Variants in HOXC9 observed in about 807,000 individuals in gnomAD.
The protein encoded by HOXC9 is homeobox protein Hox-C9.
A neutral mutation model predicts 20.0 loss-of-function variants in HOXC9; 10 were observed. The ratio of observed to expected loss-of-function variants is 0.50; its 90% CI spans 0.31 to 0.85. The LOEUF (loss-of-function observed/expected upper bound fraction) is 0.85. HOXC9 is among the 40% of genes least tolerant of loss of function. The pLI is 0.05. For synonymous variants in HOXC9, 200 were observed against 163.7 expected (o/e 1.22, Z -1.69); for missense variants, 394 against 376.7 (o/e 1.05, Z -0.38).
intron 1 of HOXC9, among the ~76,000 whole-genome samples, chr12:54,001,787 G>A (rs922454865): frequency 2.0e-5 from 3 of 152,158 alleles, no homozygotes; most frequent in African/African-American, 7.2e-5. Context: ...TGGCAGGAGG[G>A]GGGCACTGGA....
In HOXC9 at chr12:54,000,583, C is replaced by G; in HGVS notation, c.395C>G (p.Pro132Arg). Residue 132 changes from proline to arginine, a missense_variant, in exon 1 of 2, where the codon CCA (proline) becomes CGA (arginine). Coordinates refer to ENST00000303450, the MANE Select transcript of HOXC9 (RefSeq NM_006897.3). The stretch of plus-strand genomic sequence containing the variant: ...CCCGGGCGCCGCGCGGACTGCGGCC[C>G]AGGGGAGGGCCGCAGCTACCCGGAC... ...AYPGRRADCG[P>R]GEGRSYPDYM... The G allele has an allele frequency of 3.9e-6, 6 of 1,531,608 alleles. No individual in the cohort carries two copies. The highest frequency in any genetic ancestry group is 5.2e-6 in the Non-Finnish European group (6 of 1,147,090). The allele number at this position is 1,531,608 out of a possible 1,614,324, so 94.9% of individuals were successfully genotyped here.
rs923829247 is a variant in HOXC9, at chr12:54,002,755, G to C, written c.*81G>C. 7 of 1,451,598 alleles carry C rather than the reference G, an allele frequency of 4.8e-6. No individual in the cohort carries two copies. The South Asian group carries it at 7.1e-5, about 15-fold the overall frequency. 89.9% of individuals were successfully genotyped at this position (1,451,598 alleles called of 1,614,324 possible). ...AATACCCCAACACAGGCGGGGGAGAGACGAAAAAGAAAAGGAAAGAGCAAG... is the reference window on the plus strand; with the variant it reads ...AATACCCCAACACAGGCGGGGGAGACACGAAAAAGAAAAGGAAAGAGCAAG... On this transcript the variant is annotated 3_prime_UTR_variant, in exon 2 of 2. Coordinates refer to ENST00000303450, the MANE Select transcript of HOXC9 (RefSeq NM_006897.3).
Position 54,002,731 on chromosome 12 carries a change from A to C in HOXC9, c.*57A>C. On this transcript the variant is annotated 3_prime_UTR_variant, in exon 2 of 2. Coordinates refer to ENST00000303450, the MANE Select transcript of HOXC9 (RefSeq NM_006897.3). ...AAGGGAAAAACAAAAACCCCACAAA[A>C]TACCCCAACACAGGCGGGGGAGAGA... 1 of 1,549,100 alleles carries C rather than the reference A, an allele frequency of 6.5e-7. No homozygotes were observed. Among genetic ancestry groups the C allele is most frequent in the Non-Finnish European group, 8.7e-7 (1 of 1,146,156 alleles).
rs371710144 is a variant in HOXC9, at chr12:54,000,484, C to T, written c.296C>T (p.Pro99Leu). The change falls in exon 1 of 2, where the codon CCG becomes CTG. Residue 99 changes from proline (P) to leucine (L), a missense_variant. Transcript: ENST00000303450. The part of the protein sequence containing the change: ...DTRYMRTWLE[P>L]LSGAVSFPSF... ...CGCTACATGCGGACTTGGCTCGAGC[C>T]GCTGTCCGGCGCCGTCTCCTTCCCC... 1 of 1,600,084 alleles carries T rather than the reference C, an allele frequency of 6.2e-7. No homozygotes were observed. Among genetic ancestry groups the T allele is most frequent in the South Asian group, 1.1e-5 (1 of 90,978 alleles).
rs761466821 is a variant in HOXC9 at position 54,000,292 on chromosome 12, C to A, written c.104C>A (p.Pro35His). ...ASRFPATGAH[P>H]AAARPSGLVP... ...AGGTTTCCGGCCACCGGGGCTCATCCCGCCGCCGCCAGACCCAGCGGTTTG... is the reference window on the plus strand; with the variant it reads ...AGGTTTCCGGCCACCGGGGCTCATCACGCCGCCGCCAGACCCAGCGGTTTG... Residue 35 changes from proline to histidine, a missense_variant, in exon 1 of 2, where the codon CCC becomes CAC. Physicochemically the swap from Pro to His is moderately conservative, Grantham distance 77. Transcript: ENST00000303450. 1 of 1,614,142 alleles carries A rather than the reference C, an allele frequency of 6.2e-7. No individual in the cohort carries two copies. The highest frequency in any genetic ancestry group is 8.5e-7 in the Non-Finnish European group (1 of 1,180,038).
At chr12:54,000,828 G>C in intron 1 of HOXC9, 102 bp downstream of exon 1, 1 of 1,096,754 alleles carries the variant, frequency 9.1e-7, no homozygotes, top group Non-Finnish European at 1.2e-6. Flanking sequence ...CAGGGAGCGC[G>C]GGAGAGGGGC....
At position 54,002,833 on chromosome 12, in the gene HOXC9, A is replaced by C. The variant is rs573441454; in HGVS notation, c.*159A>C. On this transcript the variant is annotated 3_prime_UTR_variant, in exon 2 of 2. Coordinates refer to ENST00000303450, the MANE Select transcript of HOXC9 (RefSeq NM_006897.3). ...GAAAAACAAGGAAGGGGAAAAGAAA[A>C]CTCTTGCGATTTGGGAGGGTTCAGT... The C allele has an allele frequency of 8.0e-5, 61 of 765,702 alleles. No homozygotes were observed. The highest frequency in any genetic ancestry group is 1.1e-4 in the Non-Finnish European group (54 of 508,084). The allele number at this position is 765,702 out of a possible 1,614,324, so 47.4% of individuals were successfully genotyped here.
chr12:54,000,874 G>T (rs894597972), intron 1 of HOXC9, 148 bp downstream of exon 1: 31 of 719,316 alleles, frequency 4.3e-5, no homozygotes, highest in Non-Finnish European at 6.5e-5. Flanking sequence ...GAATTACCTT[G>T]GGGAGCTTTC....
intron 1 of HOXC9, among the ~76,000 whole-genome samples, chr12:54,001,226 C>T (rs1170830298): frequency 6.6e-6 from 1 of 151,976 alleles, no homozygotes; most frequent in Non-Finnish European, 1.5e-5. Context: ...TGGACTTCTC[C>T]CCCAGGAGCA....
At position 54,000,217 on chromosome 12, in the gene HOXC9, A is replaced by G; in HGVS notation, c.29A>G (p.Tyr10Cys). Residue 10 changes from tyrosine to cysteine, a missense_variant, in exon 1 of 2, where the codon TAT (tyrosine) becomes TGT (cysteine). Tyr to Cys is a radical substitution (Grantham distance 194). Transcript: ENST00000303450. MSATGPISN[Y>C]YVDSLISHDN... ...TCGGCGACGGGGCCCATCAGTAACTATTACGTGGACTCGCTCATCTCTCAC... is the reference window on the plus strand; with the variant it reads ...TCGGCGACGGGGCCCATCAGTAACTGTTACGTGGACTCGCTCATCTCTCAC... 6.2e-7 allele frequency: 1 copy of G among 1,614,168 alleles called. No individual in the cohort carries two copies. Among genetic ancestry groups the G allele is most frequent in the Non-Finnish European group, 8.5e-7 (1 of 1,180,036 alleles).
In HOXC9 at chr12:54,002,445, A is replaced by G. The variant is rs1939766606; in HGVS notation, c.554A>G (p.Asn185Ser). 1.2e-6 allele frequency: 2 copies of G among 1,613,936 alleles called. No homozygotes were observed. Among genetic ancestry groups the G allele is most frequent in the Non-Finnish European group, 8.5e-7 (1 of 1,179,878 alleles). The change falls in exon 2 of 2, where the codon AAC becomes AGC. Residue 185 changes from asparagine to serine, a missense_variant. By Grantham distance (46) the Asn-to-Ser change is conservative (BLOSUM62 1). Coordinates refer to ENST00000303450, the MANE Select transcript of HOXC9 (RefSeq NM_006897.3). ...ADLDPSNPVA[N>S]WIHARSTRKK... The stretch of plus-strand genomic sequence containing the variant: ...GGCCCTCCAGGCAACCCCGTGGCCA[A>G]CTGGATTCACGCCCGCTCCACGAGG...
chr12:54,000,344 C>G lies in HOXC9; in HGVS notation c.156C>G (p.Ser52=). ...GLVPDCSDFP[S]CSFAPKPAVF... is the part of the protein sequence containing the mutation. ...TGCCGGACTGTAGCGATTTTCCGTC[C>G]TGTAGCTTCGCGCCCAAGCCGGCAG... The change falls in exon 1 of 2, where the codon TCC becomes TCG. Residue 52 remains serine (S), a synonymous_variant. Transcript: ENST00000303450. 1 of 1,614,024 alleles carries G rather than the reference C, an allele frequency of 6.2e-7. No individual in the cohort carries two copies. The highest frequency in any genetic ancestry group is 2.2e-5 in the East Asian group (1 of 44,878).
Position 54,000,593 on chromosome 12 carries a change from C to T in HOXC9, c.405C>T (p.Gly135=). ...GRRADCGPGE[G]RSYPDYMYGS... The stretch of plus-strand genomic sequence containing the variant: ...GCGCGGACTGCGGCCCAGGGGAGGG[C>T]CGCAGCTACCCGGACTACATGTACG... The change falls in exon 1 of 2, where the codon GGC becomes GGT. Residue 135 remains glycine, a synonymous_variant. Coordinates refer to ENST00000303450, the MANE Select transcript of HOXC9 (RefSeq NM_006897.3). The T allele has an allele frequency of 2.6e-6, 4 of 1,531,260 alleles. No individual in the cohort carries two copies. The highest frequency in any genetic ancestry group is 2.4e-5 in the East Asian group (1 of 41,050). The allele number at this position is 1,531,260 out of a possible 1,614,324, so 94.9% of individuals were successfully genotyped here.
At chr12:54,002,371 G>A in intron 1 of HOXC9, 59 bp from the exon 2 acceptor site, 1 of 1,574,580 alleles carries the variant, frequency 6.4e-7, no homozygotes, top group African/African-American at 1.4e-5. Flanking sequence ...GGGTAGAGTA[G>A]CAGAAGTCCT....
chr12:54,001,334 A>C (rs1370402637), intron 1 of HOXC9, among the ~76,000 whole-genome samples: 1 of 151,980 alleles, frequency 6.6e-6, no homozygotes, highest in Non-Finnish European at 1.5e-5. Flanking sequence ...GAGCCTCCTT[A>C]AACTTGAGAA....
rs752743455 is a variant in HOXC9 at position 54,000,498 on chromosome 12, G to A, written c.310G>A (p.Val104Ile). 1.9e-6 allele frequency: 3 copies of A among 1,598,836 alleles called. No individual in the cohort carries two copies. Among genetic ancestry groups the A allele is most frequent in the Non-Finnish European group, 8.5e-7 (1 of 1,178,974 alleles). ...RTWLEPLSGA[V>I]SFPSFPAGGR... Reference sequence around the variant, plus strand: ...TTGGCTCGAGCCGCTGTCCGGCGCCGTCTCCTTCCCCAGCTTCCCGGCCGG... The same window carrying A: ...TTGGCTCGAGCCGCTGTCCGGCGCCATCTCCTTCCCCAGCTTCCCGGCCGG... Residue 104 changes from valine to isoleucine, a missense_variant, in exon 1 of 2, where the codon GTC (valine) becomes ATC (isoleucine). Transcript: ENST00000303450.
chr12:54,000,493 G>A lies in HOXC9; in HGVS notation c.305G>A (p.Gly102Asp). ...CGGACTTGGCTCGAGCCGCTGTCCG[G>A]CGCCGTCTCCTTCCCCAGCTTCCCG... ...YMRTWLEPLS[G>D]AVSFPSFPAG... Residue 102 changes from glycine (G) to aspartate (D), a missense_variant, in exon 1 of 2, where the codon GGC becomes GAC. Transcript: ENST00000303450. 3.1e-6 allele frequency: 5 copies of A among 1,599,556 alleles called. No homozygotes were observed. The highest frequency in any genetic ancestry group is 1.1e-5 in the South Asian group (1 of 90,892).
chr12:54,000,451 C>A lies in HOXC9; in HGVS notation c.263C>A (p.Ala88Asp). 1.2e-6 allele frequency: 2 copies of A among 1,604,904 alleles called. No individual in the cohort carries two copies. Among genetic ancestry groups the A allele is most frequent in the Non-Finnish European group, 1.7e-6 (2 of 1,179,768 alleles). Residue 88 changes from alanine (A) to aspartate (D), a missense_variant, in exon 1 of 2, where the codon GCC (alanine) becomes GAC (aspartate). Ala to Asp is a moderately radical substitution (Grantham distance 126). Coordinates refer to ENST00000303450, the MANE Select transcript of HOXC9 (RefSeq NM_006897.3). ...HPYGPQPHLG[A>D]DTRYMRTWLE... ...TACGGCCCCCAGCCCCACCTCGGCG[C>A]CGACACGCGCTACATGCGGACTTGG...
rs1464999711 is a variant in HOXC9, at chr12:54,002,481, G to A, written c.590G>A (p.Cys197Tyr). The part of the protein sequence containing the change: ...IHARSTRKKR[C>Y]PYTKYQTLEL... ...GCCCGCTCCACGAGGAAGAAGCGCT[G>A]CCCCTACACCAAGTACCAGACGCTG... Residue 197 changes from cysteine to tyrosine, a missense_variant, in exon 2 of 2, where the codon TGC becomes TAC. Coordinates refer to ENST00000303450, the MANE Select transcript of HOXC9 (RefSeq NM_006897.3). The A allele has an allele frequency of 2.5e-5, 41 of 1,613,942 alleles. No homozygotes were observed. The highest frequency in any genetic ancestry group is 3.3e-5 in the Non-Finnish European group (39 of 1,179,972).
Sources: allele counts gnomAD v4.1 joint callset (sites outside exome capture counted in the v4.1 genomes callset), GRCh38; gene constraint gnomAD v4.1.1; transcripts MANE v1.5; gene names NCBI Gene and HGNC (gene_info 2026-07-23, HGNC 2026-07-21).